Variants in FBP2 observed in about 807,000 individuals in gnomAD.
FBP2 encodes fructose-1,6-bisphosphatase isozyme 2.
Under a neutral mutation model 31.6 loss-of-function variants are expected in FBP2, and 27 were observed. The observed-to-expected ratio is 0.85, with a 90% CI of 0.63 to 1.18. The LOEUF is 1.18. FBP2 is among the 50% of genes most tolerant of loss of function. The probability of loss-of-function intolerance (pLI) is 0.00; values close to 1 mark genes in which losing one functional copy is unlikely to be tolerated. For synonymous variants in FBP2, 168 were observed against 179.8 expected (o/e 0.93, Z 0.53); for missense variants, 421 against 436.1 (o/e 0.97, Z 0.31).
Position 94,582,998 on chromosome 9 carries a change from C to T in FBP2, c.426+1579G>A, listed in dbSNP as rs970697275. ...CCTCCTGAGTAGCAGGGATTATAGG[C>T]GCCCGCCACTATGCCCAGCTAATTT... is the stretch of plus-strand genomic sequence containing the variant. On this transcript the variant is annotated intron_variant, in intron 3 of 6. Coordinates refer to ENST00000375337, the MANE Select transcript of FBP2 (RefSeq NM_003837.4). Among the ~76,000 whole-genome samples the T allele has an allele frequency of 4.6e-5, 7 of 151,456 alleles. No homozygotes were observed. The East Asian group carries it at 5.8e-4, about 13-fold the overall frequency.
Position 94,580,551 on chromosome 9 carries a change from G to A in FBP2, c.426+4026C>T, listed in dbSNP as rs895392721. On this transcript the variant is annotated intron_variant, in intron 3 of 6. Transcript: ENST00000375337. ...TTTTCAATCTTTCAATTATCACTCT[G>A]GTTAAATGAGCAACTATTGTTTAAC... Among the ~76,000 whole-genome samples the A allele has an allele frequency of 2.0e-5, 3 of 152,180 alleles. No individual in the cohort carries two copies. The Middle Eastern group carries it at 0.01, about 518-fold the overall frequency.
At chr9:94,565,783 GATAGA>G (rs1564180703) in intron 5 of FBP2, among the ~76,000 whole-genome samples, 2 of 135,232 alleles carry the variant, frequency 1.5e-5, no homozygotes, top group Non-Finnish European at 3.2e-5. Flanking sequence ...TAGATAGATA[GATAGA>G]TGATAGATAG....
rs372686512 is a variant in FBP2, at chr9:94,559,105, C to T, written c.853G>A (p.Val285Met). The change falls in exon 7 of 7, where the codon GTG becomes ATG. Residue 285 changes from valine to methionine, a missense_variant. Coordinates refer to ENST00000375337, the MANE Select transcript of FBP2 (RefSeq NM_003837.4). ...CCTGCCTGCTCAATGATGTAGGCCA[C>T]GGGATTGCATTCATACAGGAGCCGG... is the stretch of plus-strand genomic sequence containing the variant. Reference protein sequence around the residue: ...KLRLLYECNPVAYIIEQAGGL... With the variant: ...KLRLLYECNPMAYIIEQAGGL... 2.5e-5 allele frequency: 41 copies of T among 1,613,278 alleles called. No individual in the cohort carries two copies. The highest frequency in any genetic ancestry group is 1.7e-4 in the Middle Eastern group (1 of 5,764).
chr9:94,567,485 C>T, intron 4 of FBP2, 78 bp from the exon 5 acceptor site: 1 of 1,561,374 alleles, frequency 6.4e-7, no homozygotes, highest in Non-Finnish European at 8.7e-7. Flanking sequence ...CACATCAGAG[C>T]AGGAGAAGAT....
chr9:94,584,036 G>A (rs1373991717), intron 3 of FBP2, among the ~76,000 whole-genome samples: 1 of 152,212 alleles, frequency 6.6e-6, no homozygotes, highest in Non-Finnish European at 1.5e-5. Context: ...GGATTTCAGG[G>A]TAGGCAGAAT....
chr9:94,572,594 C>T (rs1260857269), intron 3 of FBP2, among the ~76,000 whole-genome samples: 2 of 152,200 alleles, frequency 1.3e-5, no homozygotes, highest in Non-Finnish European at 2.9e-5. Flanking sequence ...TGTCTGACTT[C>T]CCAGCTAGAC....
intron 5 of FBP2, among the ~76,000 whole-genome samples, chr9:94,565,362 C>T (rs1266735594): frequency 2.9e-5 from 3 of 103,930 alleles, no homozygotes; most frequent in African/African-American, 1.4e-4. Flanking sequence ...GAGCAAGACT[C>T]CACCTCAAAA....
At position 94,558,728 on chromosome 9, in the gene FBP2, T is replaced by C. The variant is rs1257875512; in HGVS notation, c.*210A>G. 5 of 534,214 alleles carry C rather than the reference T, an allele frequency of 9.4e-6. No homozygotes were observed. The highest frequency in any genetic ancestry group is 2.2e-5 in the South Asian group (1 of 45,374). The allele number at this position is 534,214 out of a possible 1,614,324, so 33.1% of individuals were successfully genotyped here. On this transcript the variant is annotated 3_prime_UTR_variant, in exon 7 of 7. Coordinates refer to ENST00000375337, the MANE Select transcript of FBP2 (RefSeq NM_003837.4). Reference sequence around the variant, plus strand: ...ACAAGCCAAAGTCGCACTTTCCACATGTGGGTTTTTATTTCTAGTCCTTCA... The same window carrying C: ...ACAAGCCAAAGTCGCACTTTCCACACGTGGGTTTTTATTTCTAGTCCTTCA...
chr9:94,565,571 A>C (rs773970508), intron 5 of FBP2, among the ~76,000 whole-genome samples: 4 of 152,200 alleles, frequency 2.6e-5, no homozygotes, highest in Non-Finnish European at 5.9e-5. Context: ...GCAGACACAC[A>C]GTGAACTATC....
intron 1 of FBP2, among the ~76,000 whole-genome samples, chr9:94,593,030 A>G (rs1391815825): frequency 6.6e-6 from 1 of 152,212 alleles, no homozygotes; most frequent in Non-Finnish European, 1.5e-5. Flanking sequence ...AGAAAGAGTC[A>G]CAGAGAAGAA....
rs546800818 is a variant in FBP2, at chr9:94,592,668, G to A, written c.170+889C>T. Among the ~76,000 whole-genome samples, 39 of 152,264 alleles carry A rather than the reference G, an allele frequency of 2.6e-4. No individual in the cohort carries two copies. The South Asian group carries it at 6.8e-3, about 27-fold the overall frequency. ...TCCTGCCTCAGCCTCCCGAGTAGCCGGGACTACAGGCGCCCGCCACCACAC... is the reference window on the plus strand; with the variant it reads ...TCCTGCCTCAGCCTCCCGAGTAGCCAGGACTACAGGCGCCCGCCACCACAC... On this transcript the variant is annotated intron_variant, in intron 1 of 6. Coordinates refer to ENST00000375337, the MANE Select transcript of FBP2 (RefSeq NM_003837.4).
At position 94,593,576 on chromosome 9, in the gene FBP2, T is replaced by C. The variant is rs1450467718; in HGVS notation, c.151A>G (p.Lys51Glu). The C allele has an allele frequency of 6.2e-7, 1 of 1,613,846 alleles. No homozygotes were observed. The highest frequency in any genetic ancestry group is 1.1e-5 in the South Asian group (1 of 91,038). ...AIKAISSAVR[K>E]AGLAHLYGIA... is the part of the protein sequence containing the mutation. ...ACTCACAGGTGGGCCAGACCGGCCT[T>C]GCGCACAGCCGAGGAGATGGCTTTG... Residue 51 changes from lysine to glutamate, a missense_variant, in exon 1 of 7, where the codon AAG (lysine) becomes GAG (glutamate). Lys to Glu is a moderately conservative substitution (Grantham distance 56, BLOSUM62 1). Transcript: ENST00000375337.
At chr9:94,585,003 C>A (rs1827411717) in intron 2 of FBP2, among the ~76,000 whole-genome samples, 1 of 152,108 alleles carries the variant, frequency 6.6e-6, no homozygotes, top group African/African-American at 2.4e-5. Flanking sequence ...TTTTTATAGC[C>A]CCCTGTGTGC....
At chr9:94,592,684 G>A (rs892614962) in intron 1 of FBP2, among the ~76,000 whole-genome samples, 48 of 152,236 alleles carry the variant, frequency 3.2e-4, no homozygotes, top group Non-Finnish European at 6.2e-4. Flanking sequence ...ACAGGCGCCC[G>A]CCACCACACC....
At position 94,580,317 on chromosome 9, in the gene FBP2, G is replaced by A. The variant is rs564212485; in HGVS notation, c.426+4260C>T. Among the ~76,000 whole-genome samples the A allele has an allele frequency of 8.5e-5, 13 of 152,274 alleles. No individual in the cohort carries two copies. The East Asian group carries it at 9.6e-4, about 11-fold the overall frequency. On this transcript the variant is annotated intron_variant, in intron 3 of 6. Coordinates refer to ENST00000375337, the MANE Select transcript of FBP2 (RefSeq NM_003837.4). ...ACAATCTCAGCTCACTGCAATCACC[G>A]CCTCCTAGGTTCAAGTGATTCTCAT...
At chr9:94,575,114 C>T (rs1490991237) in intron 3 of FBP2, among the ~76,000 whole-genome samples, 1 of 152,068 alleles carries the variant, frequency 6.6e-6, no homozygotes, top group African/African-American at 2.4e-5. Flanking sequence ...AAGCATATAG[C>T]AGAGCATACA....
At chr9:94,586,348 C>T (rs1827427851) in intron 2 of FBP2, among the ~76,000 whole-genome samples, 1 of 152,140 alleles carries the variant, frequency 6.6e-6, no homozygotes, top group Admixed American at 6.5e-5. Context: ...GCACTCCAGC[C>T]TGTCCAGCCG....
intron 5 of FBP2, among the ~76,000 whole-genome samples, chr9:94,565,669 T>C (rs887327101): frequency 7.6e-6 from 1 of 130,924 alleles, no homozygotes; most frequent in Non-Finnish European, 1.6e-5. Flanking sequence ...GTTTCTACTC[T>C]AACTTACCTT....
In FBP2 at chr9:94,571,585, A is replaced by C. The variant is rs1827270577; in HGVS notation, c.444T>G (p.Pro148=). 1 of 1,613,434 alleles carries C rather than the reference A, an allele frequency of 6.2e-7. No individual in the cohort carries two copies. The highest frequency in any genetic ancestry group is 2.2e-5 in the East Asian group (1 of 44,856). Residue 148 remains proline (P), a synonymous_variant, in exon 4 of 7, where the codon CCT becomes CCG. Coordinates refer to ENST00000375337, the MANE Select transcript of FBP2 (RefSeq NM_003837.4). The part of the protein sequence containing the change: ...AIYRKTSEDE[P]SEKDALQCGR... ...CACACTGCAGGGCATCCTTTTCAGAAGGCTCATCCTCTGAGGTCTGTGGAA... is the reference window on the plus strand; with the variant it reads ...CACACTGCAGGGCATCCTTTTCAGACGGCTCATCCTCTGAGGTCTGTGGAA...
Sources: allele counts gnomAD v4.1 joint callset (sites outside exome capture counted in the v4.1 genomes callset), GRCh38; gene constraint gnomAD v4.1.1; transcripts MANE v1.5; gene names NCBI Gene and HGNC (gene_info 2026-07-23, HGNC 2026-07-21).